Variants in NHERF1 observed in about 807,000 individuals in gnomAD.
NHERF1 encodes Na(+)/H(+) exchange regulatory cofactor NHE-RF1.
At chr17:74,763,053 C>T in the NHERF1 span, 2 of 292,550 alleles carry the variant, frequency 6.8e-6, no homozygotes, top group South Asian at 1.4e-4. Flanking sequence ...ACAGCAAGTC[C>T]TTACCCAGGC....
chr17:74,765,718 A>C, the NHERF1 span, among the ~76,000 whole-genome samples: 1 of 151,626 alleles, frequency 6.6e-6, no homozygotes, highest in Non-Finnish European at 1.5e-5. Context: ...TGCCCGGCTA[A>C]TTTTTGTATT....
chr17:74,766,199 T>TTTG, the NHERF1 span, among the ~76,000 whole-genome samples: 2 of 151,914 alleles, frequency 1.3e-5, no homozygotes, highest in African/African-American at 4.8e-5. Context: ...TTTGTTTTGT[T>TTTG]TTGTTTTGTT....
the NHERF1 span, among the ~76,000 whole-genome samples, chr17:74,756,302 G>A: frequency 1.1e-4 from 8 of 74,012 alleles, no homozygotes; most frequent in East Asian, 7.5e-4. Context: ...TTTTTGAGAC[G>A]GAGCCTTGCT....
the NHERF1 span, among the ~76,000 whole-genome samples, chr17:74,766,728 T>C: frequency 2.6e-5 from 4 of 152,194 alleles, no homozygotes; most frequent in South Asian, 8.3e-4. Flanking sequence ...CCATCCTGCA[T>C]GACATGGCAA....
chr17:74,756,694 C>T, the NHERF1 span, among the ~76,000 whole-genome samples: 6 of 152,250 alleles, frequency 3.9e-5, no homozygotes, highest in East Asian at 1.9e-4. Flanking sequence ...TGCCTTTGCC[C>T]GTCAGCCATG....
the NHERF1 span, among the ~76,000 whole-genome samples, chr17:74,753,384 G>A: frequency 1.2e-4 from 18 of 152,316 alleles, no homozygotes; most frequent in Non-Finnish European, 1.6e-4. Context: ...TTCCCAGGGC[G>A]GGCGGGCCAT....
chr17:74,748,709 C>G, the NHERF1 span: 3 of 738,426 alleles, frequency 4.1e-6, no homozygotes, highest in Non-Finnish European at 6.4e-6. This position sits in a 1 kb window ranked among gnomAD's most constrained non-coding sequence, Gnocchi z 4.3. Flanking sequence ...TCCTGGGACA[C>G]CTGCTTGCTT....
the NHERF1 span, among the ~76,000 whole-genome samples, chr17:74,757,380 C>T: frequency 6.6e-6 from 1 of 152,104 alleles, no homozygotes; most frequent in South Asian, 2.1e-4. Context: ...TCCCCTGCCG[C>T]CCGCACAGAC....
chr17:74,768,343 C>A, the NHERF1 span: 2 of 1,383,646 alleles, frequency 1.4e-6, no homozygotes, highest in Non-Finnish European at 2.1e-6. Flanking sequence ...TGCTGAGCCG[C>A]ATTCTGTTCT....
chr17:74,762,312 A>T, the NHERF1 span: 6 of 452,150 alleles, frequency 1.3e-5, no homozygotes, highest in Non-Finnish European at 2.7e-5. The surrounding 1 kb of genome is among the most constrained non-coding windows in gnomAD (Gnocchi z 4.2). Flanking sequence ...GGATGGGTGG[A>T]TGGGAGGGAG....
chr17:74,750,509 C>T, the NHERF1 span, among the ~76,000 whole-genome samples: 1 of 152,166 alleles, frequency 6.6e-6, no homozygotes, highest in East Asian at 1.9e-4. Context: ...TCACCAGAAG[C>T]CCTGTCCAGC....
At chr17:74,759,677 G>C in the NHERF1 span, among the ~76,000 whole-genome samples, 2 of 152,246 alleles carry the variant, frequency 1.3e-5, no homozygotes, top group Non-Finnish European at 2.9e-5. Context: ...TCCAGCAGAG[G>C]CTGCAGCCGA....
the NHERF1 span, among the ~76,000 whole-genome samples, chr17:74,765,259 T>G: frequency 6.6e-6 from 1 of 151,972 alleles, no homozygotes; most frequent in African/African-American, 2.4e-5. Context: ...TCTTTTTTTC[T>G]TTTTCTTTTT....
chr17:74,765,827 C>G, the NHERF1 span, among the ~76,000 whole-genome samples: 1 of 152,120 alleles, frequency 6.6e-6, no homozygotes, highest in African/African-American at 2.4e-5. Flanking sequence ...GCTGGGGTCC[C>G]AGTCATGAGC....
chr17:74,764,751 G>A, the NHERF1 span, among the ~76,000 whole-genome samples: 1 of 152,230 alleles, frequency 6.6e-6, no homozygotes, highest in South Asian at 2.1e-4. The surrounding 1 kb of genome is among the most constrained non-coding windows in gnomAD (Gnocchi z 4.9). Context: ...CCTGGGGACA[G>A]TCCCCTCCCC....
chr17:74,754,633 A>G, the NHERF1 span, among the ~76,000 whole-genome samples: 208 of 151,802 alleles, frequency 1.4e-3, no homozygotes, highest in African/African-American at 4.8e-3. Flanking sequence ...CACCTGTCAC[A>G]ACACCCTGCT....
chr17:74,758,268 G>A, the NHERF1 span, among the ~76,000 whole-genome samples: 7 of 152,356 alleles, frequency 4.6e-5, no homozygotes, highest in East Asian at 3.9e-4. The surrounding 1 kb of genome is among the most constrained non-coding windows in gnomAD (Gnocchi z 4.3). Context: ...GTGATGGGGC[G>A]GCCACTTAGG....
At chr17:74,767,021 G>A in the NHERF1 span, 1 of 1,568,766 alleles carries the variant, frequency 6.4e-7, no homozygotes, top group East Asian at 2.2e-5. Context: ...TCCTTGGGGT[G>A]CATGAGACAG....
At chr17:74,750,958 C>A in the NHERF1 span, among the ~76,000 whole-genome samples, 2 of 152,076 alleles carry the variant, frequency 1.3e-5, no homozygotes, top group Non-Finnish European at 2.9e-5. Context: ...GGAGGGACAC[C>A]TACATTTGTG....
Sources: gnomAD v4.1 joint callset for allele counts (sites outside exome capture counted in the v4.1 genomes callset) on GRCh38, gnomAD v4.1.1 for gene constraint, Gnocchi (gnomAD v3.1) non-coding constraint, MANE v1.5 for transcripts, NCBI Gene and HGNC (gene_info 2026-07-23, HGNC 2026-07-21) for gene names.